The following ARPC2 variants were observed in gnomAD, a reference collection of about 807,000 sequenced individuals.
The protein encoded by ARPC2 is actin related protein 2/3 complex subunit 2.
Under a neutral mutation model 38.6 loss-of-function variants are expected in ARPC2, and 4 were observed. The observed-to-expected ratio is 0.10, with a 90% confidence interval of 0.05 to 0.24. ARPC2 has a LOEUF of 0.24. Among genes scored for constraint, ARPC2 ranks in the 10% least tolerant of loss-of-function variants. The pLI, the probability that ARPC2 is intolerant of heterozygous loss-of-function variation, is 1.00. For synonymous variants in ARPC2, 125 were observed against 140.8 expected (o/e 0.89, Z 0.79); for missense variants, 229 against 387.3 (o/e 0.59, Z 3.43).
At chr2:218,232,505 C>G (rs905049008) in intron 4 of ARPC2, among the ~76,000 whole-genome samples, 5 of 151,344 alleles carry the variant, frequency 3.3e-5, no homozygotes, top group African/African-American at 9.7e-5. Flanking sequence ...TTCCCGTCAT[C>G]CTGTAGCAAA....
intron 4 of ARPC2, among the ~76,000 whole-genome samples, chr2:218,229,939 G>A (rs1689590433): frequency 6.6e-6 from 1 of 151,166 alleles, no homozygotes; most frequent in Admixed American, 6.6e-5. Flanking sequence ...GATAAAGAGT[G>A]AAAGAAAACA....
chr2:218,236,749 G>GCCATTGC (rs1037172170), intron 5 of ARPC2: 1 of 150,854 alleles, frequency 6.6e-6, no homozygotes, highest in African/African-American at 2.4e-5. Context: ...CCGAGATCAT[G>GCCATTGC]CCATTGCACT....
chr2:218,232,597 G>T (rs570991879), intron 4 of ARPC2, among the ~76,000 whole-genome samples: 11 of 140,356 alleles, frequency 7.8e-5, no homozygotes, highest in Admixed American at 7.5e-4. Context: ...TCTGTCACCC[G>T]GGCTGGAGTG....
chr2:218,231,178 G>A (rs948139187), intron 4 of ARPC2, among the ~76,000 whole-genome samples: 2 of 152,118 alleles, frequency 1.3e-5, no homozygotes, highest in African/African-American at 4.8e-5. Flanking sequence ...CTGCTAGAGT[G>A]GGAAGGTAAT....
Position 218,225,954 on chromosome 2 carries a change from G to T in ARPC2, c.109G>T (p.Asp37Tyr). 6.2e-7 allele frequency: 1 copy of T among 1,613,528 alleles called. No individual in the cohort carries two copies. Among genetic ancestry groups the T allele is most frequent in the South Asian group, 1.1e-5 (1 of 91,048 alleles). Residue 37 changes from aspartate (D) to tyrosine (Y), a missense_variant and splice_region_variant, in exon 3 of 11, where the codon GAT becomes TAT. Asp to Tyr is a radical substitution (Grantham distance 160). Around this residue, in one of 3 missense-constraint regions of ARPC2, gnomAD observed 135 missense variants for 214.1 expected, o/e 0.63. Coordinates refer to ENST00000315717, the MANE Select transcript of ARPC2 (RefSeq NM_152862.3). ...GGAAGCAGTAGAAGTAACATTTGCA[G>T]GTAAGCATCTTTATCTCAGCCCTCT... ...KPEAVEVTFA[D>Y]FDGVLYHISN...
chr2:218,239,050 A>G (rs1458054771), intron 6 of ARPC2, 200 bp downstream of exon 6: 2 of 572,328 alleles, frequency 3.5e-6, no homozygotes, highest in Non-Finnish European at 6.2e-6. Flanking sequence ...GAGCTGACAG[A>G]TGGTGGAAAG....
At chr2:218,251,114 C>T (rs1690178791) in intron 10 of ARPC2, among the ~76,000 whole-genome samples, 2 of 152,220 alleles carry the variant, frequency 1.3e-5, no homozygotes, top group South Asian at 4.1e-4. Flanking sequence ...TCTTTTGTAC[C>T]AGTTGAACTA....
At chr2:218,222,482 T>C (rs985596414) in intron 2 of ARPC2, among the ~76,000 whole-genome samples, 2 of 152,160 alleles carry the variant, frequency 1.3e-5, no homozygotes, top group African/African-American at 4.8e-5. Context: ...TCTGAATGAA[T>C]TGATTATGTT....
intron 9 of ARPC2, 58 bp downstream of exon 9, chr2:218,249,522 C>A: frequency 2.3e-6 from 3 of 1,333,032 alleles, no homozygotes; most frequent in Non-Finnish European, 3.2e-6. Flanking sequence ...TCCACCAGAA[C>A]TCCTGACAGA....
intron 8 of ARPC2, among the ~76,000 whole-genome samples, chr2:218,248,497 GTCAC>G (rs1690101081): frequency 6.6e-6 from 1 of 152,182 alleles, no homozygotes; most frequent in Non-Finnish European, 1.5e-5. Flanking sequence ...GTCTTGCTCT[GTCAC>G]TCAGGCTGGA....
rs757774887 is a variant in ARPC2, at chr2:218,234,401, T to G, written c.268+4T>G. On this transcript the variant is annotated splice_donor_region_variant and intron_variant, in intron 5 of 10. Coordinates refer to ENST00000315717, the MANE Select transcript of ARPC2 (RefSeq NM_152862.3). ...TTCTTGGTAAATCCAGAATCAGGTA[T>G]GTAGTCATGTGAGCAACTATGGAAT... 6 of 1,598,870 alleles carry G rather than the reference T, an allele frequency of 3.8e-6. No individual in the cohort carries two copies. Among genetic ancestry groups the G allele is most frequent in the Non-Finnish European group, 5.1e-6 (6 of 1,168,364 alleles).
At chr2:218,221,960 A>T (rs1342144279) in intron 2 of ARPC2, among the ~76,000 whole-genome samples, 1 of 152,214 alleles carries the variant, frequency 6.6e-6, no homozygotes, top group African/African-American at 2.4e-5. Flanking sequence ...TAGGAGAGAG[A>T]CATAAATGCC....
At chr2:218,226,674 C>T (rs918123427) in intron 3 of ARPC2, among the ~76,000 whole-genome samples, 2 of 150,670 alleles carry the variant, frequency 1.3e-5, no homozygotes, top group East Asian at 3.9e-4. Context: ...GATACTGTCC[C>T]TCATCAGGTC....
At chr2:218,248,525 G>A (rs956840392) in intron 8 of ARPC2, among the ~76,000 whole-genome samples, 4 of 152,024 alleles carry the variant, frequency 2.6e-5, no homozygotes, top group African/African-American at 7.3e-5. Context: ...CAGTGGCACC[G>A]TCTTGGCTCA....
Position 218,254,050 on chromosome 2 carries a change from T to C in ARPC2, c.*135T>C. ...GTTTTGGTTCCATTTTGTACACGTT[T>C]GGAAAATAATCTGCAGAAACGAGCT... On this transcript the variant is annotated 3_prime_UTR_variant, in exon 11 of 11. Coordinates refer to ENST00000315717, the MANE Select transcript of ARPC2 (RefSeq NM_152862.3). 1 of 1,148,994 alleles carries C rather than the reference T, an allele frequency of 8.7e-7. No individual in the cohort carries two copies. Among genetic ancestry groups the C allele is most frequent in the Non-Finnish European group, 1.2e-6 (1 of 800,066 alleles). 71.2% of individuals were successfully genotyped at this position (1,148,994 alleles called of 1,614,324 possible).
chr2:218,232,828 G>A (rs1040864229), intron 4 of ARPC2, among the ~76,000 whole-genome samples: 1 of 151,778 alleles, frequency 6.6e-6, no homozygotes, highest in Non-Finnish European at 1.5e-5. Context: ...ACCCCGCCTC[G>A]GCCTCCCAAA....
rs1263286418 is a variant in ARPC2 at position 218,239,181 on chromosome 2, A to G, written c.456-210A>G. On this transcript the variant is annotated intron_variant, in intron 6 of 10. Transcript: ENST00000315717. ...TTATATTTACAAGTCAATAAAATCT[A>G]CTTCTGATAATTTCCATCTGCTGCC... 5.1e-6 allele frequency: 3 copies of G among 586,210 alleles called. No individual in the cohort carries two copies. In the African/African-American group the frequency reaches 5.6e-5, roughly 11 times the overall value. The allele number at this position is 586,210 out of a possible 1,614,324, so 36.3% of individuals were successfully genotyped here.
chr2:218,245,827 C>T lies in ARPC2; in HGVS notation c.676+281C>T, dbSNP rs184823566. Among the ~76,000 whole-genome samples the T allele has an allele frequency of 3.2e-4, 48 of 152,134 alleles. No individual in the cohort carries two copies. The East Asian group carries it at 7.9e-3, about 25-fold the overall frequency. On this transcript the variant is annotated intron_variant, in intron 8 of 10. Coordinates refer to ENST00000315717, the MANE Select transcript of ARPC2 (RefSeq NM_152862.3). ...ATTCTGATATCAAGAGTTAAGGTCC[C>T]TTCAATAGTTCAGCTGGTAGAGCAG...
At chr2:218,227,894 G>A (rs953687346) in intron 3 of ARPC2, among the ~76,000 whole-genome samples, 4 of 152,058 alleles carry the variant, frequency 2.6e-5, no homozygotes, top group African/African-American at 7.2e-5. Flanking sequence ...CACTGTGCCC[G>A]GCCTTGACTG....
Sources: allele counts gnomAD v4.1 joint callset (sites outside exome capture counted in the v4.1 genomes callset), GRCh38; gene constraint gnomAD v4.1.1; regional missense constraint gnomAD v4.1.1; transcripts MANE v1.5; gene names NCBI Gene and HGNC (gene_info 2026-07-23, HGNC 2026-07-21).